The following RNF122 variants were observed in gnomAD, a reference collection of about 807,000 sequenced individuals.
The protein encoded by RNF122 is ring finger protein 122.
Under a neutral mutation model 24.2 loss-of-function variants are expected in RNF122, and 17 were observed. That is an observed-to-expected ratio of 0.70 (90% CI 0.48 to 1.06). RNF122 has a LOEUF of 1.06. Ranked by LOEUF, RNF122 falls within the 50% of genes least tolerant of loss-of-function variation. The pLI is 0.00. For missense variants in RNF122, 168 were observed against 198.1 expected (o/e 0.85, Z 0.91); for synonymous variants, 65 against 71.8 (o/e 0.91, Z 0.48).
chr8:33,552,034 G>A (rs557526731), intron 2 of RNF122, among the ~76,000 whole-genome samples: 2 of 152,162 alleles, frequency 1.3e-5, no homozygotes, highest in South Asian at 2.1e-4. Flanking sequence ...GCTATATGTC[G>A]CTGGGACACT....
At chr8:33,553,070 C>A (rs75806716) in intron 2 of RNF122, among the ~76,000 whole-genome samples, 346 of 103,098 alleles carry the variant, frequency 3.4e-3, no homozygotes, top group South Asian at 4.0e-3. Context: ...GACCCTGTCT[C>A]AAAAAAAAAA....
At chr8:33,553,566 G>C (rs976539400) in intron 2 of RNF122, among the ~76,000 whole-genome samples, 7 of 151,892 alleles carry the variant, frequency 4.6e-5, no homozygotes, top group Non-Finnish European at 1.0e-4. Flanking sequence ...GTGAGACTCT[G>C]GCAAAAAAAT....
At chr8:33,562,403 G>A (rs1810552306) in intron 1 of RNF122, among the ~76,000 whole-genome samples, 4 of 151,956 alleles carry the variant, frequency 2.6e-5, no homozygotes, top group Middle Eastern at 3.4e-3. Context: ...TTAGCTGGGT[G>A]TGGTGGTAAG....
At chr8:33,553,311 T>C (rs934463399) in intron 2 of RNF122, among the ~76,000 whole-genome samples, 35 of 151,734 alleles carry the variant, frequency 2.3e-4, no homozygotes, top group African/African-American at 8.2e-4. Flanking sequence ...AAAACAGAAA[T>C]AAAGAATAAT....
chr8:33,557,014 T>G (rs1179875942), intron 2 of RNF122, among the ~76,000 whole-genome samples: 1 of 152,226 alleles, frequency 6.6e-6, no homozygotes, highest in Admixed American at 6.5e-5. Flanking sequence ...AAGGGCATCT[T>G]AGGAATAAAG....
chr8:33,558,477 C>T, intron 2 of RNF122, 138 bp downstream of exon 2: 1 of 572,502 alleles, frequency 1.7e-6, no homozygotes, highest in Non-Finnish European at 2.8e-6. Context: ...GAAGGGCAGG[C>T]TCAGCCGTGT....
In RNF122 at chr8:33,554,460, G is replaced by A. The variant is rs1341600812; in HGVS notation, c.183-3071C>T. Among the ~76,000 whole-genome samples, 3 of 152,118 alleles carry A rather than the reference G, an allele frequency of 2.0e-5. No individual in the cohort carries two copies. The South Asian group carries it at 6.2e-4, about 32-fold the overall frequency. The stretch of plus-strand genomic sequence containing the variant: ...TGGATCCTTTAGTGGTTTTGCCCAG[G>A]GATCCTCCAAAACTCAGAACAGGGA... On this transcript the variant is annotated intron_variant, in intron 2 of 5. Transcript: ENST00000256257.
At chr8:33,553,425 A>G (rs921820183) in intron 2 of RNF122, among the ~76,000 whole-genome samples, 1 of 152,238 alleles carries the variant, frequency 6.6e-6, no homozygotes, top group Admixed American at 6.5e-5. Context: ...AAAATTAGCC[A>G]GGTATGATGG....
chr8:33,563,756 A>C (rs1810577496), intron 1 of RNF122, among the ~76,000 whole-genome samples: 1 of 152,166 alleles, frequency 6.6e-6, no homozygotes, highest in African/African-American at 2.4e-5. Flanking sequence ...TGATGTTACA[A>C]GAGGGTCTAA....
chr8:33,550,603 G>A (rs889745062), intron 4 of RNF122, among the ~76,000 whole-genome samples: 4 of 152,152 alleles, frequency 2.6e-5, no homozygotes, highest in African/African-American at 9.7e-5. Flanking sequence ...AAATGGCAGA[G>A]CCACAGGAAT....
intron 1 of RNF122, among the ~76,000 whole-genome samples, chr8:33,566,142 C>A (rs1451665865): frequency 1.3e-5 from 2 of 152,114 alleles, no homozygotes; most frequent in Admixed American, 1.3e-4. Context: ...CGTGAGCCAC[C>A]GCGCCTGGCC....
chr8:33,567,012 G>A lies in RNF122; in HGVS notation c.-289C>T. Reference sequence around the variant, plus strand: ...CTGGGGGAATGTGGGGCGCCGCGGGGCGGGGGTGCCCGGGCTGCAGAAGCC... The same window carrying A: ...CTGGGGGAATGTGGGGCGCCGCGGGACGGGGGTGCCCGGGCTGCAGAAGCC... On this transcript the variant is annotated 5_prime_UTR_variant, in exon 1 of 6. Coordinates refer to ENST00000256257, the MANE Select transcript of RNF122 (RefSeq NM_024787.3). The A allele has an allele frequency of 6.2e-6, 3 of 480,838 alleles. No individual in the cohort carries two copies. The highest frequency in any genetic ancestry group is 1.1e-5 in the Non-Finnish European group (3 of 267,104). The allele number at this position is 480,838 out of a possible 1,614,324, so 29.8% of individuals were successfully genotyped here. A position where few individuals can be genotyped will look rare whatever the true frequency, so the allele number is the denominator to read the frequency against.
rs1032366451 is a variant in RNF122, at chr8:33,566,951, A to C, written c.-228T>G. The C allele has an allele frequency of 8.7e-5, 49 of 563,920 alleles. No individual in the cohort carries two copies. The highest frequency in any genetic ancestry group is 5.1e-5 in the Non-Finnish European group (16 of 315,402). The allele number at this position is 563,920 out of a possible 1,614,324, so 34.9% of individuals were successfully genotyped here. On this transcript the variant is annotated 5_prime_UTR_variant, in exon 1 of 6. Coordinates refer to ENST00000256257, the MANE Select transcript of RNF122 (RefSeq NM_024787.3). ...GGAAACAAACAAAGTCCCGCGGAGC[A>C]CAGCCGCACGGAGCGCACGCGCCAA...
intron 2 of RNF122, among the ~76,000 whole-genome samples, chr8:33,553,529 C>T (rs1810406587): frequency 6.6e-6 from 1 of 151,992 alleles, no homozygotes; most frequent in African/African-American, 2.4e-5. Flanking sequence ...AGGATTGCCC[C>T]CACTGCACTC....
chr8:33,550,368 G>GTCT (rs1285403651), intron 4 of RNF122, among the ~76,000 whole-genome samples: 1 of 152,202 alleles, frequency 6.6e-6, no homozygotes, highest in East Asian at 1.9e-4. Context: ...ATGAGGCCAC[G>GTCT]TCTAGGCAGT....
In RNF122 at chr8:33,554,193, C is replaced by T. The variant is rs137947895; in HGVS notation, c.183-2804G>A. Among the ~76,000 whole-genome samples, 587 of 152,232 alleles carry T rather than the reference C, an allele frequency of 3.9e-3. 5 individuals are homozygous for T. The highest frequency in any genetic ancestry group is 0.014 in the African/African-American group (568 of 41,536). On this transcript the variant is annotated intron_variant, in intron 2 of 5. Transcript: ENST00000256257. Reference sequence around the variant, plus strand: ...GTTCCCAGGGACAGGGAGCTCACAGCGGCCTTGAGGGAGAAAGACACTGTT... The same window carrying T: ...GTTCCCAGGGACAGGGAGCTCACAGTGGCCTTGAGGGAGAAAGACACTGTT...
At chr8:33,559,171 A>T (rs1042598601) in intron 1 of RNF122, among the ~76,000 whole-genome samples, 1 of 152,012 alleles carries the variant, frequency 6.6e-6, no homozygotes, top group African/African-American at 2.4e-5. Flanking sequence ...ATGGTAGCGC[A>T]TGTACTACCA....
At chr8:33,559,452 C>T (rs959488059) in intron 1 of RNF122, among the ~76,000 whole-genome samples, 2 of 151,982 alleles carry the variant, frequency 1.3e-5, no homozygotes, top group South Asian at 2.1e-4. Context: ...GCCATATGAC[C>T]GTTAAGAAAT....
intron 1 of RNF122, among the ~76,000 whole-genome samples, chr8:33,559,907 T>C (rs1207629910): frequency 6.6e-6 from 1 of 150,544 alleles, no homozygotes; most frequent in Non-Finnish European, 1.5e-5. Context: ...AGTGGCGTGA[T>C]CTTGGCTCAC....
Sources: gnomAD v4.1 joint callset for allele counts (sites outside exome capture counted in the v4.1 genomes callset) on GRCh38, gnomAD v4.1.1 for gene constraint, MANE v1.5 for transcripts, NCBI Gene and HGNC (gene_info 2026-07-23, HGNC 2026-07-21) for gene names.